SLCO5A1: variants seen among roughly 807,000 people sequenced by gnomAD.
The protein encoded by SLCO5A1 is solute carrier organic anion transporter family member 5A1.
Under a neutral mutation model 65.1 loss-of-function variants are expected in SLCO5A1, and 39 were observed. That is an observed-to-expected ratio of 0.60 (90% CI 0.46 to 0.78). The LOEUF (loss-of-function observed/expected upper bound fraction) is 0.78, where lower values mean the gene tolerates loss of function less well. SLCO5A1 is among the 30% of genes least tolerant of loss of function. SLCO5A1 has a pLI of 0.00. For missense variants in SLCO5A1, 1,029 were observed against 1,069.4 expected, an observed-to-expected ratio of 0.96 and a Z score of 0.53; for synonymous variants, 438 against 415.7, an observed-to-expected ratio of 1.05 and a Z score of -0.65.
At chr8:69,719,210 C>T (rs372549783) in intron 5 of SLCO5A1, among the ~76,000 whole-genome samples, 4 of 152,292 alleles carry the variant, frequency 2.6e-5, no homozygotes, top group Admixed American at 2.0e-4. Flanking sequence ...CAGTGACAGA[C>T]GGGTTGAAAA....
chr8:69,681,827 C>T (rs1586676539), intron 7 of SLCO5A1, among the ~76,000 whole-genome samples: 1 of 152,150 alleles, frequency 6.6e-6, no homozygotes, highest in South Asian at 2.1e-4. Flanking sequence ...TTTTTATCAG[C>T]ACCAAATGTG....
chr8:69,676,980 G>A (rs928207640), intron 8 of SLCO5A1, among the ~76,000 whole-genome samples: 1 of 152,108 alleles, frequency 6.6e-6, no homozygotes, highest in African/African-American at 2.4e-5. Context: ...TCCAAAATCA[G>A]ATCCATTTTT....
At chr8:69,703,180 C>G (rs1211419745) in intron 6 of SLCO5A1, among the ~76,000 whole-genome samples, 1 of 151,708 alleles carries the variant, frequency 6.6e-6, no homozygotes, top group African/African-American at 2.4e-5. Flanking sequence ...TCATAACTCT[C>G]ACAGAAGAGC....
chr8:69,691,945 G>C lies in SLCO5A1; in HGVS notation c.1623-9602C>G, dbSNP rs145922638. Among the ~76,000 whole-genome samples, 4 of 152,272 alleles carry C rather than the reference G, an allele frequency of 2.6e-5. No individual in the cohort carries two copies. The East Asian group carries it at 7.7e-4, about 29-fold the overall frequency. ...AGTTGTGTGTCTAAACATAGGAAAA[G>C]TACAATAAAAATAAAGTATAAGGCC... On this transcript the variant is annotated intron_variant, in intron 6 of 9. Transcript: ENST00000260126.
At chr8:69,823,433 C>G (rs533278416) in intron 2 of SLCO5A1, among the ~76,000 whole-genome samples, 2 of 152,258 alleles carry the variant, frequency 1.3e-5, no homozygotes, top group South Asian at 4.1e-4. Flanking sequence ...GGAGGAAGAT[C>G]TACCAAGCAA....
intron 6 of SLCO5A1, among the ~76,000 whole-genome samples, chr8:69,683,449 A>C (rs187980779): frequency 1.6e-4 from 24 of 152,158 alleles, no homozygotes; most frequent in Admixed American, 6.5e-4. Flanking sequence ...TGTCATGTGG[A>C]TATATTGTGT....
chr8:69,821,227 C>T (rs979986679), intron 2 of SLCO5A1, among the ~76,000 whole-genome samples: 7 of 151,546 alleles, frequency 4.6e-5, no homozygotes, highest in Admixed American at 1.3e-4. Context: ...GGCATGGTGG[C>T]GCACCCCTGT....
intron 6 of SLCO5A1, among the ~76,000 whole-genome samples, chr8:69,688,257 CT>C (rs1441374000): frequency 3.3e-5 from 5 of 152,106 alleles, no homozygotes; most frequent in Non-Finnish European, 7.4e-5. Flanking sequence ...AAGCAAACTT[CT>C]TTCCCCTCTA....
In SLCO5A1 at chr8:69,683,724, G is replaced by A. The variant is rs193122595; in HGVS notation, c.1623-1381C>T. On this transcript the variant is annotated intron_variant, in intron 6 of 9. Coordinates refer to ENST00000260126, the MANE Select transcript of SLCO5A1 (RefSeq NM_030958.3). ...ATTACAGGCACCTGCCACCATGCCCGGCTAATTTTTGTATTTTCAGTAGAG... is the reference window on the plus strand; with the variant it reads ...ATTACAGGCACCTGCCACCATGCCCAGCTAATTTTTGTATTTTCAGTAGAG... Among the ~76,000 whole-genome samples the A allele has an allele frequency of 2.2e-3, 335 of 152,064 alleles. 7 individuals carry two copies. The highest frequency in any genetic ancestry group is 7.0e-3 in the South Asian group (34 of 4,824).
intron 2 of SLCO5A1, among the ~76,000 whole-genome samples, chr8:69,790,438 C>T (rs758651317): frequency 6.6e-6 from 1 of 151,982 alleles, no homozygotes; most frequent in Non-Finnish European, 1.5e-5. Flanking sequence ...ACATTTATCT[C>T]ACCTAAACAC....
intron 2 of SLCO5A1, among the ~76,000 whole-genome samples, chr8:69,778,235 G>A (rs1357921816): frequency 6.6e-6 from 1 of 151,020 alleles, no homozygotes; most frequent in African/African-American, 2.5e-5. Context: ...TGGGGTGTGT[G>A]TGTGTGTGTG....
Position 69,704,969 on chromosome 8 carries a change from A to G in SLCO5A1, c.1622+62T>C, listed in dbSNP as rs986518483. ...GTATGAGGCTGACTGCAGATGCACA[A>G]ACACCACAGGGCTTTGCACCTCCAT... is the stretch of plus-strand genomic sequence containing the variant. On this transcript the variant is annotated intron_variant, in intron 6 of 9. Coordinates refer to ENST00000260126, the MANE Select transcript of SLCO5A1 (RefSeq NM_030958.3). 17 of 1,510,272 alleles carry G rather than the reference A, an allele frequency of 1.1e-5. No individual in the cohort carries two copies. In the African/African-American group the frequency reaches 1.8e-4, roughly 16 times the overall value. 93.6% of individuals were successfully genotyped at this position (1,510,272 alleles called of 1,614,324 possible). A position where few individuals can be genotyped will look rare whatever the true frequency, so the allele number is the denominator to read the frequency against.
intron 6 of SLCO5A1, among the ~76,000 whole-genome samples, chr8:69,702,504 TACACAC>T (rs71257200): frequency 8.1e-5 from 12 of 148,888 alleles, no homozygotes; most frequent in African/African-American, 2.2e-4. Context: ...ACACACATCT[TACACAC>T]ACACACACAC....
At chr8:69,786,363 T>G (rs189708076) in intron 2 of SLCO5A1, among the ~76,000 whole-genome samples, 48 of 152,302 alleles carry the variant, frequency 3.2e-4, no homozygotes, top group African/African-American at 1.2e-3. Flanking sequence ...ATCCCTCAAT[T>G]TTTAACTACT....
rs182462479 is a variant in SLCO5A1 at position 69,823,769 on chromosome 8, A to G, written c.907+7998T>C. Among the ~76,000 whole-genome samples, 786 of 152,352 alleles carry G rather than the reference A, an allele frequency of 5.2e-3. 6 individuals are homozygous for G. Among genetic ancestry groups the G allele is most frequent in the South Asian group, 0.025 (119 of 4,828 alleles). On this transcript the variant is annotated intron_variant, in intron 2 of 9. Transcript: ENST00000260126. ...AGGAATTGAACTCAGCTCTGCACCA[A>G]GCAGACCGAATAGACATCTGCAGAA...
intron 9 of SLCO5A1, among the ~76,000 whole-genome samples, chr8:69,674,865 A>C (rs573420170): frequency 1.4e-4 from 7 of 48,592 alleles, no homozygotes; most frequent in Middle Eastern, 0.01. Flanking sequence ...TACTAAAAAA[A>C]AAAACAAAAA....
At chr8:69,724,366 C>T (rs1815967380) in intron 5 of SLCO5A1, among the ~76,000 whole-genome samples, 1 of 152,040 alleles carries the variant, frequency 6.6e-6, no homozygotes, top group Non-Finnish European at 1.5e-5. Flanking sequence ...GAAGTGTGCA[C>T]CTACATTTCT....
chr8:69,790,324 G>C (rs1205199031), intron 2 of SLCO5A1, among the ~76,000 whole-genome samples: 1 of 151,308 alleles, frequency 6.6e-6, no homozygotes, highest in Admixed American at 6.6e-5. Context: ...AGCATCTCAC[G>C]TACCCCATAA....
intron 2 of SLCO5A1, among the ~76,000 whole-genome samples, chr8:69,767,273 G>A (rs561549392): frequency 7.9e-5 from 12 of 152,282 alleles, no homozygotes; most frequent in African/African-American, 2.9e-4. Flanking sequence ...GAGATTAAAT[G>A]TGCCCTACTT....
Sources: gnomAD v4.1 joint callset for allele counts (sites outside exome capture counted in the v4.1 genomes callset) on GRCh38, gnomAD v4.1.1 for gene constraint, MANE v1.5 for transcripts, NCBI Gene and HGNC (gene_info 2026-07-23, HGNC 2026-07-21) for gene names.